Variants in PLCE1 observed in about 807,000 individuals in gnomAD.
PLCE1 encodes phospholipase C epsilon 1, also known as 1-phosphatidylinositol 4,5-bisphosphate phosphodiesterase epsilon-1.
In PLCE1, 119 loss-of-function variants were observed where a neutral mutation model predicts 242.8. That is an observed-to-expected ratio of 0.49 (90% CI 0.42 to 0.57). The LOEUF (loss-of-function observed/expected upper bound fraction) is 0.57, where lower values mean the gene tolerates loss of function less well. PLCE1 is among the 20% of genes least tolerant of loss of function. PLCE1 has a pLI of 0.00. For missense variants in PLCE1, 2,441 were observed against 2,788.8 expected, an observed-to-expected ratio of 0.88 and a Z score of 2.81; for synonymous variants, 945 against 1,017.4, an observed-to-expected ratio of 0.93 and a Z score of 1.35.
chr10:94,329,914 T>C lies in PLCE1; in HGVS notation c.*1971T>C, dbSNP rs2054139864. ...CAGAATTCAGGCTATTCCAGTTTGA[T>C]GTAATCTATACAGTAGTACAGTTTT... On this transcript the variant is annotated 3_prime_UTR_variant, in exon 33 of 33. Transcript: ENST00000371380. The C allele has an allele frequency of 6.6e-6, 1 of 152,092 alleles. No homozygotes were observed. Among genetic ancestry groups the C allele is most frequent in the African/African-American group, 2.4e-5 (1 of 41,406 alleles). The allele number at this position is 152,092 out of a possible 1,614,324, so 9.4% of individuals were successfully genotyped here.
At chr10:94,036,118 C>T (rs566427227) in intron 2 of PLCE1, among the ~76,000 whole-genome samples, 3 of 152,258 alleles carry the variant, frequency 2.0e-5, no homozygotes, top group South Asian at 2.1e-4. Flanking sequence ...ACAGTTTGAC[C>T]TCTTTGTTTC....
At chr10:94,078,156 T>C (rs746643929) in intron 2 of PLCE1, among the ~76,000 whole-genome samples, 7 of 152,262 alleles carry the variant, frequency 4.6e-5, no homozygotes, top group Admixed American at 1.3e-4. Flanking sequence ...TTATTGACTT[T>C]TTAAAAATAT....
rs113710730 is a variant in PLCE1 at position 94,054,410 on chromosome 10, C to A, written c.1206+22158C>A. ...TTCTAGGCCTAGCCCATTAACAGAA[C>A]CTCCTGGGCAATCCTATACCCTCCC... On this transcript the variant is annotated intron_variant, in intron 2 of 32. Coordinates refer to ENST00000371380, the MANE Select transcript of PLCE1 (RefSeq NM_016341.4). 6.5e-3 allele frequency among the ~76,000 whole-genome samples: 995 copies of A among 152,272 alleles called. 13 individuals carry two copies. The highest frequency in any genetic ancestry group is 0.023 in the African/African-American group (952 of 41,560).
At chr10:94,165,187 G>A (rs1024241614) in intron 3 of PLCE1, among the ~76,000 whole-genome samples, 5 of 152,320 alleles carry the variant, frequency 3.3e-5, no homozygotes, top group South Asian at 2.1e-4. Flanking sequence ...ATTTAAGTCC[G>A]CAGAGGTTTC....
intron 1 of PLCE1, among the ~76,000 whole-genome samples, chr10:94,018,268 G>C (rs1018151592): frequency 6.6e-6 from 1 of 152,142 alleles, no homozygotes; most frequent in Non-Finnish European, 1.5e-5. Context: ...GCAGCTCAGG[G>C]CCCTTCCCAC....
intron 22 of PLCE1, among the ~76,000 whole-genome samples, chr10:94,290,865 G>T (rs910825275): frequency 6.6e-6 from 1 of 152,054 alleles, no homozygotes; most frequent in African/African-American, 2.4e-5. Context: ...TATATGACTG[G>T]CAGTGCAGCA....
intron 3 of PLCE1, chr10:94,138,639 A>G: frequency 2.7e-6 from 1 of 368,306 alleles, no homozygotes; most frequent in Non-Finnish European, 5.3e-6. Context: ...CATCTTGCTG[A>G]TGCTGATGCT....
In PLCE1 at chr10:94,109,623, G is replaced by A. The variant is rs182641387; in HGVS notation, c.1207-22551G>A. ...ACTCTGTCTCAAAGGAGAAAATATG[G>A]CCAAAAAATAAAATTAAATACAATA... is the stretch of plus-strand genomic sequence containing the variant. On this transcript the variant is annotated intron_variant, in intron 2 of 32. Transcript: ENST00000371380. Among the ~76,000 whole-genome samples, 35 of 152,074 alleles carry A rather than the reference G, an allele frequency of 2.3e-4. No individual in the cohort carries two copies. In the East Asian group the frequency reaches 6.6e-3, roughly 29 times the overall value.
Position 94,032,138 on chromosome 10 carries a change from A to C in PLCE1, c.1092A>C (p.Ile364=). The part of the protein sequence containing the change: ...GHIGLTAWSY[I]DQKRNGPLLP... ...TTGGGCTGACTGCATGGAGTTACAT[A>C]GATCAGAAGAGAAATGGTCCCTTAC... The change falls in exon 2 of 33, where the codon ATA becomes ATC. Residue 364 remains isoleucine (I), a synonymous_variant. Coordinates refer to ENST00000371380, the MANE Select transcript of PLCE1 (RefSeq NM_016341.4). 3 of 1,609,230 alleles carry C rather than the reference A, an allele frequency of 1.9e-6. No homozygotes were observed. Among genetic ancestry groups the C allele is most frequent in the Non-Finnish European group, 2.5e-6 (3 of 1,178,654 alleles).
In PLCE1 at chr10:94,188,557, C is replaced by T. The variant is rs371064163; in HGVS notation, c.1809+17061C>T. 1.1e-4 allele frequency among the ~76,000 whole-genome samples: 16 copies of T among 152,270 alleles called. No individual in the cohort carries two copies. In the East Asian group the frequency reaches 2.9e-3, roughly 28 times the overall value. ...TGTCCATCACTGCTGACTTTCACTC[C>T]TGCAGCCTGCATAGCTTGGTTTGGT... On this transcript the variant is annotated intron_variant, in intron 4 of 32. Coordinates refer to ENST00000371380, the MANE Select transcript of PLCE1 (RefSeq NM_016341.4).
intron 3 of PLCE1, among the ~76,000 whole-genome samples, chr10:94,165,556 AC>A (rs2047771128): frequency 6.6e-6 from 1 of 151,788 alleles, no homozygotes; most frequent in Admixed American, 6.6e-5. Context: ...TCTTGGCTCC[AC>A]CCCCCTCTAA....
chr10:94,191,584 T>G (rs1220879313), intron 4 of PLCE1, among the ~76,000 whole-genome samples: 1 of 151,812 alleles, frequency 6.6e-6, no homozygotes, highest in African/African-American at 2.4e-5. Flanking sequence ...GAGTCTGCAG[T>G]GAGCTGAGTT....
At chr10:94,305,420 G>T (rs1346731687) in intron 25 of PLCE1, among the ~76,000 whole-genome samples, 1 of 152,214 alleles carries the variant, frequency 6.6e-6, no homozygotes, top group African/African-American at 2.4e-5. Flanking sequence ...GTGTGACAGA[G>T]TGAGACTCCG....
chr10:94,122,589 G>A (rs1463615503), intron 2 of PLCE1, among the ~76,000 whole-genome samples: 1 of 152,172 alleles, frequency 6.6e-6, no homozygotes, highest in African/African-American at 2.4e-5. Flanking sequence ...GTTTTGCCCT[G>A]TACTGGATTC....
intron 7 of PLCE1, among the ~76,000 whole-genome samples, chr10:94,244,100 T>C (rs909081887): frequency 6.6e-6 from 1 of 152,192 alleles, no homozygotes; most frequent in Non-Finnish European, 1.5e-5. Context: ...TAAAATTCAA[T>C]ATTTGTGGTA....
At chr10:94,267,035 C>T (rs2051546412) in intron 16 of PLCE1, among the ~76,000 whole-genome samples, 1 of 152,194 alleles carries the variant, frequency 6.6e-6, no homozygotes, top group Admixed American at 6.5e-5. Context: ...CTACACACTA[C>T]ATACTGGCCC....
At chr10:94,051,961 A>T (rs560465488) in intron 2 of PLCE1, among the ~76,000 whole-genome samples, 1 of 152,364 alleles carries the variant, frequency 6.6e-6, no homozygotes, top group African/African-American at 2.4e-5. Flanking sequence ...GTGAACAAAC[A>T]GTTCATTGGT....
chr10:94,254,946 T>C lies in PLCE1; in HGVS notation c.3451T>C (p.Ser1151Pro), dbSNP rs1394322207. The change falls in exon 11 of 33, where the codon TCT becomes CCT. Residue 1151 changes from serine (S) to proline (P), a missense_variant. Physicochemically the swap from Ser to Pro is moderately conservative, Grantham distance 74. Coordinates refer to ENST00000371380, the MANE Select transcript of PLCE1 (RefSeq NM_016341.4). ...CCCCCTCCCTTCCAGAAGAGCCCAC[T>C]CTTTGACCACAGCTGGGTCCCCCAA... ...PNPLPSRRAH[S>P]LTTAGSPNLA... is the part of the protein sequence containing the mutation. 2 of 1,614,024 alleles carry C rather than the reference T, an allele frequency of 1.2e-6. No homozygotes were observed. Among genetic ancestry groups the C allele is most frequent in the Non-Finnish European group, 1.7e-6 (2 of 1,179,916 alleles).
At chr10:94,186,200 G>T (rs188149433) in intron 4 of PLCE1, among the ~76,000 whole-genome samples, 265 of 152,288 alleles carry the variant, frequency 1.7e-3, no homozygotes, top group Non-Finnish European at 3.0e-3. Context: ...TTCCTCATCT[G>T]TTCTGAACAG....
Sources: allele counts gnomAD v4.1 joint callset (sites outside exome capture counted in the v4.1 genomes callset), GRCh38; gene constraint gnomAD v4.1.1; transcripts MANE v1.5; gene names NCBI Gene and HGNC (gene_info 2026-07-23, HGNC 2026-07-21).